Variants in PRKAG2 observed in about 807,000 individuals in gnomAD.
PRKAG2 encodes 5'-AMP-activated protein kinase subunit gamma-2.
Under a neutral mutation model 69.6 loss-of-function variants are expected in PRKAG2, and 26 were observed. The ratio of observed to expected loss-of-function variants is 0.37; its 90% CI spans 0.27 to 0.52. The LOEUF (loss-of-function observed/expected upper bound fraction) is 0.52. PRKAG2 is among the 20% of genes least tolerant of loss of function. The pLI, the probability that PRKAG2 is intolerant of heterozygous loss-of-function variation, is 0.90. For synonymous variants in PRKAG2, 293 were observed against 285.0 expected (o/e 1.03, Z -0.28); for missense variants, 557 against 740.0 (o/e 0.75, Z 2.87).
chr7:151,753,283 T>C (rs2074842173), intron 3 of PRKAG2, among the ~76,000 whole-genome samples: 1 of 152,238 alleles, frequency 6.6e-6, no homozygotes, highest in Admixed American at 6.5e-5. Flanking sequence ...GCTTAGCTGA[T>C]AGCATGATAT....
At chr7:151,672,630 T>C (rs1832246454) in intron 4 of PRKAG2, among the ~76,000 whole-genome samples, 1 of 152,124 alleles carries the variant, frequency 6.6e-6, no homozygotes, top group Non-Finnish European at 1.5e-5. Flanking sequence ...TTATGCAGTA[T>C]GCGTCCTTTT....
At chr7:151,801,241 C>T (rs1464797614) in intron 1 of PRKAG2, among the ~76,000 whole-genome samples, 1 of 152,206 alleles carries the variant, frequency 6.6e-6, no homozygotes, top group Non-Finnish European at 1.5e-5. Flanking sequence ...GCCATGCTCC[C>T]AGGCTCAGGG....
At chr7:151,590,105 G>A (rs1240041373) in intron 6 of PRKAG2, among the ~76,000 whole-genome samples, 1 of 152,270 alleles carries the variant, frequency 6.6e-6, no homozygotes, top group Admixed American at 6.5e-5. Flanking sequence ...GACTAAAAAA[G>A]CCATCATCTG....
At position 151,756,120 on chromosome 7, in the gene PRKAG2, AG is replaced by A. The variant is rs1373955065; in HGVS notation, c.466+25031del. Among the ~76,000 whole-genome samples, 5 of 152,076 alleles carry A rather than the reference AG, an allele frequency of 3.3e-5. No homozygotes were observed. Among genetic ancestry groups the A allele is most frequent in the African/African-American group, 1.2e-4 (5 of 41,402 alleles). ...GACCACCAGTGATGCCGGCAGCCACAGGTCCCTCTGCCCCCAAAGCAGGTCT... is the reference window on the plus strand; with the variant it reads ...GACCACCAGTGATGCCGGCAGCCACAGTCCCTCTGCCCCCAAAGCAGGTCT... On this transcript the variant is annotated intron_variant, in intron 3 of 15. Transcript: ENST00000287878. This position sits in a 1 kb window ranked among gnomAD's most constrained non-coding sequence, Gnocchi z 4.9.
chr7:151,786,999 C>G (rs940189994), intron 1 of PRKAG2, among the ~76,000 whole-genome samples: 4 of 152,156 alleles, frequency 2.6e-5, no homozygotes, highest in African/African-American at 9.7e-5. Context: ...AAACTATTAG[C>G]AGAGTCTAAT....
chr7:151,818,961 G>A (rs1166569497), intron 1 of PRKAG2, among the ~76,000 whole-genome samples: 1 of 152,206 alleles, frequency 6.6e-6, no homozygotes, highest in Non-Finnish European at 1.5e-5. Context: ...TCCCAATTGG[G>A]AACCAATGTG....
In PRKAG2 at chr7:151,828,757, CA is replaced by C. The variant is rs113813563; in HGVS notation, c.115-42217del. Among the ~76,000 whole-genome samples, 67 of 109,498 alleles carry C rather than the reference CA, an allele frequency of 6.1e-4. No individual in the cohort carries two copies. Among genetic ancestry groups the C allele is most frequent in the Middle Eastern group, 4.6e-3 (1 of 218 alleles). 71.8% of individuals were successfully genotyped at this position (109,498 alleles called of 152,430 possible). On this transcript the variant is annotated intron_variant, in intron 1 of 15. Transcript: ENST00000287878. This position sits in a 1 kb window ranked among gnomAD's most constrained non-coding sequence, Gnocchi z 4.6. ...ACAACACAGCGAGACCCTGTCTTTA[CA>C]AAAAAAAAAAAAACTTTAAAAGTCA...
chr7:151,575,240 A>G (rs1808609451), intron 7 of PRKAG2, among the ~76,000 whole-genome samples: 1 of 152,230 alleles, frequency 6.6e-6, no homozygotes, highest in Non-Finnish European at 1.5e-5. Context: ...TTGAAAAAAG[A>G]ATTGCAGTTA....
intron 3 of PRKAG2, among the ~76,000 whole-genome samples, chr7:151,729,825 C>T (rs1322578201): frequency 6.6e-6 from 1 of 152,214 alleles, no homozygotes; most frequent in Non-Finnish European, 1.5e-5. Context: ...ACACAGCCCT[C>T]TCCCCATCAC....
intron 1 of PRKAG2, among the ~76,000 whole-genome samples, chr7:151,831,693 C>T (rs990380509): frequency 7.2e-5 from 11 of 152,136 alleles, no homozygotes; most frequent in East Asian, 1.9e-4. Context: ...CCCCCTTGCA[C>T]GCCCTGCCTC....
intron 3 of PRKAG2, among the ~76,000 whole-genome samples, chr7:151,720,212 A>C (rs1796829065): frequency 6.6e-6 from 1 of 152,178 alleles, no homozygotes; most frequent in Non-Finnish European, 1.5e-5. Context: ...GTTTGTGACC[A>C]CAAGGAAAGG....
intron 5 of PRKAG2, among the ~76,000 whole-genome samples, chr7:151,625,125 G>A (rs1338537056): frequency 2.0e-5 from 3 of 152,144 alleles, no homozygotes; most frequent in African/African-American, 7.2e-5. Context: ...AAAGAAGTGC[G>A]TCCCCCTAAC....
intron 3 of PRKAG2, among the ~76,000 whole-genome samples, chr7:151,754,710 C>T (rs2074955239): frequency 6.9e-6 from 1 of 145,128 alleles, no homozygotes; most frequent in Non-Finnish European, 1.5e-5. Flanking sequence ...CCCACCCAAC[C>T]CCCTCCGCCG....
intron 4 of PRKAG2, among the ~76,000 whole-genome samples, chr7:151,642,061 C>T (rs1477710049): frequency 7.6e-5 from 11 of 145,004 alleles, no homozygotes; most frequent in Non-Finnish European, 1.5e-4. Flanking sequence ...AGGGGCCAGG[C>T]GTGGTGGCTC....
chr7:151,839,111 C>T (rs6950351), intron 1 of PRKAG2, among the ~76,000 whole-genome samples: 10,815 of 152,056 alleles, frequency 0.071, 800 homozygotes, highest in East Asian at 0.38. Flanking sequence ...ATTTCCTGAA[C>T]GGCTAGGCAG....
intron 1 of PRKAG2, among the ~76,000 whole-genome samples, chr7:151,797,011 G>A (rs191537858): frequency 5.9e-5 from 9 of 152,146 alleles, no homozygotes; most frequent in South Asian, 2.1e-4. Flanking sequence ...AGAGCCCTCC[G>A]TGGGCACTAC....
chr7:151,663,552 G>A (rs1241004179), intron 4 of PRKAG2, among the ~76,000 whole-genome samples: 1 of 152,030 alleles, frequency 6.6e-6, no homozygotes, highest in African/African-American at 2.4e-5. Context: ...TAAGAGAGAT[G>A]GGGTTTTGCC....
At chr7:151,737,224 G>T (rs961145617) in intron 3 of PRKAG2, among the ~76,000 whole-genome samples, 2 of 151,970 alleles carry the variant, frequency 1.3e-5, no homozygotes, top group Non-Finnish European at 2.9e-5. Flanking sequence ...TTTAGTCTAG[G>T]GCCAGGCACG....
At chr7:151,824,464 T>C (rs1051534897) in intron 1 of PRKAG2, among the ~76,000 whole-genome samples, 1 of 152,224 alleles carries the variant, frequency 6.6e-6, no homozygotes, top group Non-Finnish European at 1.5e-5. Flanking sequence ...ACTGATACTT[T>C]AAATCGTGAT....
Sources: allele counts gnomAD v4.1 joint callset (sites outside exome capture counted in the v4.1 genomes callset), GRCh38; gene constraint gnomAD v4.1.1; non-coding constraint Gnocchi (gnomAD v3.1); transcripts MANE v1.5; gene names NCBI Gene and HGNC (gene_info 2026-07-23, HGNC 2026-07-21).